Variants in MTA3 observed in about 807,000 individuals in gnomAD.
MTA3 encodes metastasis-associated protein MTA3.
MTA3 carries 34 observed loss-of-function variants against 83.5 expected under a neutral mutation model. The observed-to-expected ratio is 0.41, with a 90% CI of 0.31 to 0.54. The LOEUF (loss-of-function observed/expected upper bound fraction) is 0.54, where lower values mean the gene tolerates loss of function less well. Ranked by LOEUF, MTA3 falls within the 20% of genes least tolerant of loss-of-function variation. MTA3 has a pLI of 0.33. For synonymous variants in MTA3, 303 were observed against 252.7 expected (o/e 1.20, Z -1.89); for missense variants, 761 against 726.4 (o/e 1.05, Z -0.55).
At chr2:42,513,227 A>G (rs767051477) in intron 2 of MTA3, among the ~76,000 whole-genome samples, 4 of 152,192 alleles carry the variant, frequency 2.6e-5, no homozygotes, top group Non-Finnish European at 5.9e-5. Context: ...ATTAAACTAT[A>G]GTGATTTATT....
Position 42,722,981 on chromosome 2 carries a change from A to G in MTA3, c.1705A>G (p.Thr569Ala), listed in dbSNP as rs1667537980. 2 of 1,551,150 alleles carry G rather than the reference A, an allele frequency of 1.3e-6. No individual in the cohort carries two copies. Among genetic ancestry groups the G allele is most frequent in the Non-Finnish European group, 1.7e-6 (2 of 1,147,114 alleles). The stretch of plus-strand genomic sequence containing the variant: ...GCGGATGCTAACAACTCCAAATCAC[A>G]CATCTCTGAGCATTCTGGGGAAAAG... ...TKRMLTTPNHTSLSILGKRNY... is the reference protein window; with the variant it reads ...TKRMLTTPNHASLSILGKRNY... The change falls in exon 16 of 17, where the codon ACA (threonine) becomes GCA (alanine). Residue 569 changes from threonine (T) to alanine (A), a missense_variant. Transcript: ENST00000405094.
In MTA3 at chr2:42,718,984, T is replaced by G. The variant is rs1286738485; in HGVS notation, c.1526-4T>G. 6.5e-7 allele frequency: 1 copy of G among 1,548,682 alleles called. No homozygotes were observed. ...GTTATCTCCATGTTTCTTTCTCTCCTCAGATGCAGACAGACATGCTGAACT... is the reference window on the plus strand; with the variant it reads ...GTTATCTCCATGTTTCTTTCTCTCCGCAGATGCAGACAGACATGCTGAACT... On this transcript the variant is annotated splice_polypyrimidine_tract_variant and splice_region_variant and intron_variant, in intron 14 of 16. Transcript: ENST00000405094.
In MTA3 at chr2:42,709,007, C is replaced by T. The variant is rs748453533; in HGVS notation, c.1436C>T (p.Ala479Val). 1.2e-6 allele frequency: 2 copies of T among 1,614,026 alleles called. No individual in the cohort carries two copies. The highest frequency in any genetic ancestry group is 2.2e-5 in the East Asian group (1 of 44,878). ...FLHTTYFTKFARQVCKNTLRL... is the reference protein window; with the variant it reads ...FLHTTYFTKFVRQVCKNTLRL... ...CATACTACATATTTCACAAAATTTG[C>T]TCGTCAGGTCTGCAAAAATACCCTC... Residue 479 changes from alanine (A) to valine (V), a missense_variant, in exon 14 of 17, where the codon GCT becomes GTT. Ala to Val is a moderately conservative substitution (Grantham distance 64, BLOSUM62 0). Transcript: ENST00000405094.
chr2:42,749,401 C>T (rs2104602523), intron 16 of MTA3, among the ~76,000 whole-genome samples: 1 of 152,228 alleles, frequency 6.6e-6, no homozygotes, highest in East Asian at 1.9e-4. Context: ...GTTCATAACC[C>T]CTCCAATTTT....
intron 4 of MTA3, among the ~76,000 whole-genome samples, chr2:42,638,668 T>G (rs1221684731): frequency 6.6e-6 from 1 of 151,848 alleles, no homozygotes; most frequent in Non-Finnish European, 1.5e-5. Flanking sequence ...ACAATTGTTG[T>G]CTTTTCAGTG....
At chr2:42,609,372 G>T in intron 3 of MTA3, 86 bp from the exon 4 acceptor site, 1 of 1,358,266 alleles carries the variant, frequency 7.4e-7, no homozygotes, top group Non-Finnish European at 1.0e-6. Flanking sequence ...AGAAAATATT[G>T]AATAAAATGT....
chr2:42,594,728 A>ATATATATATTTTTT lies in MTA3; in HGVS notation c.191-14729_191-14728insATATATATTTTTTT. On this transcript the variant is annotated intron_variant, in intron 3 of 16. Transcript: ENST00000405094. ...TACATATATATATATATATATATATATTTTTTTTTTTTTTTTGAGACAGAG... is the reference window on the plus strand; with the variant it reads ...TACATATATATATATATATATATATATATATATATTTTTTTTTTTTTTTTTTTTTTGAGACAGAG... Among the ~76,000 whole-genome samples, 96 of 24,038 alleles carry ATATATATATTTTTT rather than the reference A, an allele frequency of 4.0e-3. 3 individuals are homozygous for ATATATATATTTTTT. The highest frequency in any genetic ancestry group is 4.7e-3 in the Non-Finnish European group (72 of 15,456). 15.8% of individuals were successfully genotyped at this position (24,038 alleles called of 152,430 possible).
chr2:42,564,009 G>A (rs148967708), upstream of MTA3, among the ~76,000 whole-genome samples: 86 of 151,708 alleles, frequency 5.7e-4, 1 homozygote, highest in African/African-American at 1.8e-3. Context: ...ATTTTTAGTA[G>A]AGATGGCGTT....
At chr2:42,514,044 T>C (rs1675022570) in intron 2 of MTA3, among the ~76,000 whole-genome samples, 1 of 152,136 alleles carries the variant, frequency 6.6e-6, no homozygotes, top group African/African-American at 2.4e-5. Flanking sequence ...TGAAACCCCA[T>C]CTTTACTAAA....
At chr2:42,514,868 T>G (rs1383775861) in intron 2 of MTA3, among the ~76,000 whole-genome samples, 1 of 150,144 alleles carries the variant, frequency 6.7e-6, no homozygotes, top group Non-Finnish European at 1.5e-5. Flanking sequence ...GTTTTTATTT[T>G]TTATAGAGAT....
intron 4 of MTA3, among the ~76,000 whole-genome samples, chr2:42,615,969 C>G (rs1468171592): frequency 1.3e-5 from 2 of 152,044 alleles, no homozygotes; most frequent in Non-Finnish European, 2.9e-5. Flanking sequence ...ATCTGCCCAC[C>G]TCAGCCTCCC....
chr2:42,536,705 A>G (rs1185878556), intron 2 of MTA3, among the ~76,000 whole-genome samples: 1 of 151,714 alleles, frequency 6.6e-6, no homozygotes, highest in East Asian at 1.9e-4. Flanking sequence ...TAAAAATACA[A>G]AAAATTAGCC....
At chr2:42,618,284 G>A (rs1159093830) in intron 4 of MTA3, among the ~76,000 whole-genome samples, 1 of 151,924 alleles carries the variant, frequency 6.6e-6, no homozygotes, top group Non-Finnish European at 1.5e-5. Context: ...ACGTAGTCAC[G>A]TTAAGTGTCA....
intron 8 of MTA3, among the ~76,000 whole-genome samples, chr2:42,679,025 A>G (rs1231194168): frequency 6.6e-6 from 1 of 152,176 alleles, no homozygotes; most frequent in African/African-American, 2.4e-5. Context: ...ACAAACAAGG[A>G]AAGTGAGTCT....
chr2:42,495,068 G>C (rs1230635320), intron 1 of MTA3: 1 of 152,694 alleles, frequency 6.5e-6, no homozygotes, highest in African/African-American at 2.4e-5. Context: ...AAATAAGGGT[G>C]GGGTAGGGTG....
intron 14 of MTA3, 183 bp downstream of exon 14, chr2:42,709,279 G>GA (rs11397049): frequency 0.53 from 678,636 of 1,277,186 alleles, 155,749 homozygotes; most frequent in African/African-American, 0.8. Flanking sequence ...TGCCAACCTG[G>GA]AAAAAAAAAA....
At chr2:42,552,430 A>G (rs1290895721) in intron 2 of MTA3, among the ~76,000 whole-genome samples, 1 of 152,132 alleles carries the variant, frequency 6.6e-6, no homozygotes, top group Non-Finnish European at 1.5e-5. Flanking sequence ...ACTTTCTCTC[A>G]CTTGGACTAT....
chr2:42,568,708 C>T lies in MTA3; in HGVS notation c.-38C>T. ...CTGAGGAGGAGGCGGCGGCGGCGGG[C>T]GGGGCTCGGCTCGGGCTCCGCGGGC... On this transcript the variant is annotated 5_prime_UTR_variant, in exon 1 of 17. Coordinates refer to ENST00000405094, the MANE Select transcript of MTA3 (RefSeq NM_001330442.2). 1 of 1,203,556 alleles carries T rather than the reference C, an allele frequency of 8.3e-7. No individual in the cohort carries two copies. Among genetic ancestry groups the T allele is most frequent in the Non-Finnish European group, 1.0e-6 (1 of 970,728 alleles). The allele number at this position is 1,203,556 out of a possible 1,614,324, so 74.6% of individuals were successfully genotyped here.
At chr2:42,706,153 T>C in intron 12 of MTA3, among the ~76,000 whole-genome samples, 1 of 152,118 alleles carries the variant, frequency 6.6e-6, no homozygotes, top group South Asian at 2.1e-4. Flanking sequence ...GAGGGATAGC[T>C]TTAGGAGATA....
Sources: gnomAD v4.1 joint callset for allele counts (sites outside exome capture counted in the v4.1 genomes callset) on GRCh38, gnomAD v4.1.1 for gene constraint, MANE v1.5 for transcripts, NCBI Gene and HGNC (gene_info 2026-07-23, HGNC 2026-07-21) for gene names.